Variants in RASGRF1 observed in about 807,000 individuals in gnomAD.
RASGRF1 encodes the protein ras-specific guanine nucleotide-releasing factor 1.
In RASGRF1, 40 loss-of-function variants were observed where a neutral mutation model predicts 138.7. The ratio of observed to expected loss-of-function variants is 0.29; its 90% CI spans 0.22 to 0.38. The LOEUF is 0.38. Ranked by LOEUF, RASGRF1 falls within the 10% of genes least tolerant of loss-of-function variation. The pLI, the probability that RASGRF1 is intolerant of heterozygous loss-of-function variation, is 1.00. For missense variants in RASGRF1, 1,108 were observed against 1,650.4 expected, an observed-to-expected ratio of 0.67 and a Z score of 5.69; for synonymous variants, 614 against 663.2, an observed-to-expected ratio of 0.93 and a Z score of 1.14.
rs190135268 is a variant in RASGRF1 at position 79,073,210 on chromosome 15, C to T, written c.277-8684G>A. Among the ~76,000 whole-genome samples, 3 of 152,076 alleles carry T rather than the reference C, an allele frequency of 2.0e-5. No homozygotes were observed. The East Asian group carries it at 5.8e-4, about 29-fold the overall frequency. On this transcript the variant is annotated intron_variant, in intron 1 of 26. Transcript: ENST00000558480. This position sits in a 1 kb window ranked among gnomAD's most constrained non-coding sequence, Gnocchi z 4.2. ...AATCTTCACAGGCCTACTAGAGTTG[C>T]TGGAATAGATCTAGTATCCCCCGCA...
chr15:78,989,717 G>A (rs1157671568), intron 22 of RASGRF1, among the ~76,000 whole-genome samples: 1 of 152,140 alleles, frequency 6.6e-6, no homozygotes, highest in Non-Finnish European at 1.5e-5. Context: ...ATGAATTAGA[G>A]GGAAGCTGTC....
intron 13 of RASGRF1, among the ~76,000 whole-genome samples, chr15:79,014,141 C>G (rs77696009): frequency 8.5e-5 from 13 of 152,136 alleles, no homozygotes; most frequent in African/African-American, 3.1e-4. Flanking sequence ...TTCTACACTG[C>G]TGGTGGGAAT....
At chr15:78,990,111 G>T (rs1428182595) in intron 22 of RASGRF1, 78 bp downstream of exon 22, 2 of 1,186,510 alleles carry the variant, frequency 1.7e-6, no homozygotes, top group Non-Finnish European at 1.3e-6. Context: ...CAGGTGTATA[G>T]CCCGTTCTCT....
intron 3 of RASGRF1, among the ~76,000 whole-genome samples, chr15:79,057,302 C>A (rs555242451): frequency 6.6e-6 from 1 of 152,200 alleles, no homozygotes; most frequent in African/African-American, 2.4e-5. Context: ...CCAGCTACTG[C>A]GCACTTCCTG....
intron 22 of RASGRF1, among the ~76,000 whole-genome samples, chr15:78,988,344 G>A (rs565349010): frequency 6.6e-6 from 1 of 152,322 alleles, no homozygotes; most frequent in Non-Finnish European, 1.5e-5. Context: ...ACAGGGAAGG[G>A]AGGGGACAGT....
chr15:79,014,615 T>C (rs1010924848), intron 13 of RASGRF1, among the ~76,000 whole-genome samples: 1 of 152,074 alleles, frequency 6.6e-6, no homozygotes, highest in African/African-American at 2.4e-5. Flanking sequence ...CGGTGAGGGA[T>C]AAAAGACTAC....
intron 13 of RASGRF1, among the ~76,000 whole-genome samples, chr15:79,008,595 T>A (rs1055806655): frequency 6.6e-6 from 1 of 152,064 alleles, no homozygotes; most frequent in Non-Finnish European, 1.5e-5. Context: ...AGTGCTAAAT[T>A]GAAGGCTGGG....
chr15:78,971,517 G>C (rs1321891959), intron 26 of RASGRF1, among the ~76,000 whole-genome samples: 4 of 152,170 alleles, frequency 2.6e-5, no homozygotes, highest in Admixed American at 2.6e-4. Context: ...AGGTGGCTGG[G>C]GGACATTTCA....
intron 26 of RASGRF1, among the ~76,000 whole-genome samples, chr15:78,970,621 CAAAAAAA>C (rs55689628): frequency 1.0e-4 from 6 of 57,898 alleles, no homozygotes; most frequent in African/African-American, 3.0e-4. Flanking sequence ...GACTCTGTCT[CAAAAAAA>C]AAAAAAAAAA....
chr15:79,035,324 A>G, intron 5 of RASGRF1, 114 bp from the exon 6 acceptor site: 1 of 785,570 alleles, frequency 1.3e-6, no homozygotes, highest in East Asian at 2.8e-5. Context: ...CTCATGTGAG[A>G]CCTTAACGTG....
At chr15:79,015,232 C>A in intron 13 of RASGRF1, 95 bp downstream of exon 13, 1 of 1,245,798 alleles carries the variant, frequency 8.0e-7, no homozygotes, top group Non-Finnish European at 1.2e-6. Flanking sequence ...ATCTCTGAAC[C>A]CCAGTAGCTG....
In RASGRF1 at chr15:79,004,180, G is replaced by T. The variant is rs560504119; in HGVS notation, c.2076-5C>A. 21 of 1,553,846 alleles carry T rather than the reference G, an allele frequency of 1.4e-5. No homozygotes were observed. Among genetic ancestry groups the T allele is most frequent in the East Asian group, 1.1e-4 (5 of 44,240 alleles). On this transcript the variant is annotated splice_polypyrimidine_tract_variant and splice_region_variant and intron_variant, in intron 14 of 26. Transcript: ENST00000558480. ...GCAAACAGGAGCTCCAGCGACCTGT[G>T]GGGAGGGCGGGGGTGAAAATGACAG...
At chr15:79,016,526 C>T (rs947110679) in intron 12 of RASGRF1, among the ~76,000 whole-genome samples, 10 of 152,344 alleles carry the variant, frequency 6.6e-5, no homozygotes, top group Non-Finnish European at 8.8e-5. Context: ...GCATCCACAA[C>T]GGCTGCCAGG....
chr15:79,072,432 C>T lies in RASGRF1; in HGVS notation c.277-7906G>A, dbSNP rs754840576. On this transcript the variant is annotated intron_variant, in intron 1 of 26. Coordinates refer to ENST00000558480, the MANE Select transcript of RASGRF1 (RefSeq NM_001145648.3). The stretch of plus-strand genomic sequence containing the variant: ...CTGGGACTACAGGCGTCTGCCACCA[C>T]GCCCGGCTAATTTTTTGTATTTTTA... Among the ~76,000 whole-genome samples the T allele has an allele frequency of 3.3e-5, 5 of 151,878 alleles. No individual in the cohort carries two copies. In the East Asian group the frequency reaches 9.7e-4, roughly 29 times the overall value.
chr15:78,989,857 C>T (rs755126625), intron 22 of RASGRF1, among the ~76,000 whole-genome samples: 4 of 152,162 alleles, frequency 2.6e-5, no homozygotes, highest in Admixed American at 6.5e-5. Flanking sequence ...CCACAGACTC[C>T]GCAAAAACCC....
rs2057148951 is a variant in RASGRF1 at position 79,032,139 on chromosome 15, G to A, written c.1136C>T (p.Thr379Ile). 1 of 1,613,946 alleles carries A rather than the reference G, an allele frequency of 6.2e-7. No homozygotes were observed. The highest frequency in any genetic ancestry group is 8.5e-7 in the Non-Finnish European group (1 of 1,179,900). ...GGACGCCACCTGGAACATGGGGTAG[G>A]TGAGGAAGGTCTCCAGCGTCCTCTC... ...CEERTLETFLTYPMFQIPRYI... is the reference protein window; with the variant it reads ...CEERTLETFLIYPMFQIPRYI... The change falls in exon 7 of 27, where the codon ACC (threonine) becomes ATC (isoleucine). Residue 379 changes from threonine (T) to isoleucine (I), a missense_variant. By Grantham distance (89) the Thr-to-Ile change is moderately conservative. Around this residue, in one of 3 missense-constraint regions of RASGRF1, gnomAD observed 169 missense variants for 344.2 expected, o/e 0.49. Coordinates refer to ENST00000558480, the MANE Select transcript of RASGRF1 (RefSeq NM_001145648.3). The surrounding 1 kb of genome is among the most constrained non-coding windows in gnomAD (Gnocchi z 4.5).
chr15:78,976,848 CG>C (rs1738114637), intron 24 of RASGRF1, among the ~76,000 whole-genome samples: 1 of 152,248 alleles, frequency 6.6e-6, no homozygotes, highest in African/African-American at 2.4e-5. Context: ...AGAGCTGATA[CG>C]GGGGTGGCTT....
chr15:79,001,697 G>A lies in RASGRF1; in HGVS notation c.2540C>T (p.Thr847Ile). 1 of 1,611,762 alleles carries A rather than the reference G, an allele frequency of 6.2e-7. No homozygotes were observed. Among genetic ancestry groups the A allele is most frequent in the Non-Finnish European group, 8.5e-7 (1 of 1,177,914 alleles). Residue 847 changes from threonine (T) to isoleucine (I), a missense_variant, in exon 16 of 27, where the codon ACA (threonine) becomes ATA (isoleucine). Physicochemically the swap from Thr to Ile is moderately conservative, Grantham distance 89 (BLOSUM62 -1). Around this residue, in one of 3 missense-constraint regions of RASGRF1, gnomAD observed 686 missense variants for 976.7 expected, o/e 0.70. Transcript: ENST00000558480. Reference sequence around the variant, plus strand: ...TTTGTTTTTGACTGATTTGGGTGTTGTTGGAGATTTAGTTGGTGATGTTTC... The same window carrying A: ...TTTGTTTTTGACTGATTTGGGTGTTATTGGAGATTTAGTTGGTGATGTTTC... ...DTETSPTKSPTTPKSVKNKNS... is the reference protein window; with the variant it reads ...DTETSPTKSPITPKSVKNKNS...
chr15:79,013,785 G>A (rs996276030), intron 13 of RASGRF1, among the ~76,000 whole-genome samples: 1 of 152,214 alleles, frequency 6.6e-6, no homozygotes, highest in East Asian at 1.9e-4. Flanking sequence ...GTGCAGGTGA[G>A]GGAGGCTGTA....
Sources: gnomAD v4.1 joint callset for allele counts (sites outside exome capture counted in the v4.1 genomes callset) on GRCh38, gnomAD v4.1.1 for gene constraint, gnomAD v4.1.1 regional missense constraint, Gnocchi (gnomAD v3.1) non-coding constraint, MANE v1.5 for transcripts, NCBI Gene and HGNC (gene_info 2026-07-23, HGNC 2026-07-21) for gene names.